DOT1L: variants seen among roughly 807,000 people sequenced by gnomAD.
DOT1L encodes the protein histone-lysine N-methyltransferase, H3 lysine-79 specific.
DOT1L carries 33 observed loss-of-function variants against 153.3 expected under a neutral mutation model. The ratio of observed to expected loss-of-function variants is 0.22; its 90% CI spans 0.16 to 0.29. The LOEUF is 0.29. DOT1L is among the 10% of genes least tolerant of loss of function. The pLI is 1.00. For missense variants in DOT1L, 1,847 were observed against 2,119.9 expected (o/e 0.87, Z 2.53); for synonymous variants, 1,135 against 965.1 (o/e 1.18, Z -3.26).
rs907128628 is a variant in DOT1L at position 2,231,397 on chromosome 19, C to G, written c.*1605C>G. ...ACCACGTGGCCTCCAAAGGGAGCCA[C>G]GGAGGAAAGGCTTCTGTGGTTGCTA... On this transcript the variant is annotated 3_prime_UTR_variant, in exon 28 of 28. Transcript: ENST00000398665. 3.4e-5 allele frequency: 7 copies of G among 204,580 alleles called. No individual in the cohort carries two copies. Among genetic ancestry groups the G allele is most frequent in the Admixed American group, 6.0e-5 (1 of 16,748 alleles). The allele number at this position is 204,580 out of a possible 1,614,324, so 12.7% of individuals were successfully genotyped here. A position where few individuals can be genotyped will look rare whatever the true frequency, so the allele number is the denominator to read the frequency against.
chr19:2,215,296 C>T (rs113158119), intron 19 of DOT1L, among the ~76,000 whole-genome samples: 55 of 152,284 alleles, frequency 3.6e-4, no homozygotes, highest in East Asian at 1.2e-3. Flanking sequence ...TTTCTGACAC[C>T]GAGAAACGCA....
intron 2 of DOT1L, among the ~76,000 whole-genome samples, chr19:2,184,582 G>T (rs918557823): frequency 2.6e-5 from 4 of 152,170 alleles, no homozygotes; most frequent in Non-Finnish European, 4.4e-5. Context: ...CTGCAGAGCC[G>T]CAGGCCAGGT....
chr19:2,177,173 A>G (rs1827696822), intron 1 of DOT1L, among the ~76,000 whole-genome samples: 1 of 152,222 alleles, frequency 6.6e-6, no homozygotes, highest in South Asian at 2.1e-4. Context: ...GGCAGCCACT[A>G]GCCACTCGGC....
At chr19:2,218,594 C>T (rs185224455) in intron 22 of DOT1L, among the ~76,000 whole-genome samples, 42 of 151,836 alleles carry the variant, frequency 2.8e-4, no homozygotes, top group South Asian at 1.2e-3. Context: ...GGGGTTTCAC[C>T]GTGTTAGCCA....
chr19:2,167,005 G>A (rs554183580), intron 1 of DOT1L, among the ~76,000 whole-genome samples: 2 of 152,288 alleles, frequency 1.3e-5, no homozygotes, highest in South Asian at 4.1e-4. Flanking sequence ...GGCCAAATCC[G>A]TGTTGCTGCA....
At chr19:2,228,914 C>T in intron 27 of DOT1L, 16 of 985,420 alleles carry the variant, frequency 1.6e-5, no homozygotes, top group Non-Finnish European at 1.6e-5. Context: ...TCATAGGGAG[C>T]CAGTGAAGCC....
chr19:2,190,940 C>A lies in DOT1L; in HGVS notation c.265-72C>A, dbSNP rs1454602557. 2 of 1,408,380 alleles carry A rather than the reference C, an allele frequency of 1.4e-6. No homozygotes were observed. The highest frequency in any genetic ancestry group is 1.9e-6 in the Non-Finnish European group (2 of 1,042,802). 87.2% of individuals were successfully genotyped at this position (1,408,380 alleles called of 1,614,324 possible). On this transcript the variant is annotated intron_variant, in intron 4 of 27. Coordinates refer to ENST00000398665, the MANE Select transcript of DOT1L (RefSeq NM_032482.3). This position sits in a 1 kb window ranked among gnomAD's most constrained non-coding sequence, Gnocchi z 4.8. ...ACTCCCTGCTTCCGCTGGGAAAGGTCCCGGGTCTTGGTGGTGGAGGGGCTG... is the reference window on the plus strand; with the variant it reads ...ACTCCCTGCTTCCGCTGGGAAAGGTACCGGGTCTTGGTGGTGGAGGGGCTG...
chr19:2,206,896 G>T, intron 10 of DOT1L, 99 bp downstream of exon 10: 1 of 1,259,736 alleles, frequency 7.9e-7, no homozygotes, highest in East Asian at 2.5e-5. Context: ...GTGGACACTG[G>T]GGCTGGATCC....
rs1352975978 is a variant in DOT1L, at chr19:2,231,595, A to AC, written c.*1807dup. On this transcript the variant is annotated 3_prime_UTR_variant, in exon 28 of 28. Coordinates refer to ENST00000398665, the MANE Select transcript of DOT1L (RefSeq NM_032482.3). ...TTAAGTGGTGCCCAGTGCCCTCCCC[A>AC]CCCCACGTTGGTGCTCTCAGCTAGA... 5.2e-6 allele frequency: 1 copy of AC among 191,334 alleles called. No homozygotes were observed. Among genetic ancestry groups the AC allele is most frequent in the African/African-American group, 2.5e-5 (1 of 40,462 alleles). The allele number at this position is 191,334 out of a possible 1,614,324, so 11.9% of individuals were successfully genotyped here. A position where few individuals can be genotyped will look rare whatever the true frequency, so the allele number is the denominator to read the frequency against.
chr19:2,191,261 C>G lies in DOT1L; in HGVS notation c.493+21C>G. ...GAGCGGTGAGTGTCGCCCGCCATGC[C>G]CGGCTCCTGTGCACTTCCAGGCCAC... On this transcript the variant is annotated intron_variant, in intron 5 of 27. Transcript: ENST00000398665. This position sits in a 1 kb window ranked among gnomAD's most constrained non-coding sequence, Gnocchi z 6.8. 1.9e-6 allele frequency: 3 copies of G among 1,611,310 alleles called. No individual in the cohort carries two copies. The African/African-American group carries it at 4.0e-5, about 21-fold the overall frequency.
intron 7 of DOT1L, among the ~76,000 whole-genome samples, chr19:2,195,596 C>T (rs1485681573): frequency 2.0e-5 from 3 of 151,898 alleles, no homozygotes; most frequent in Non-Finnish European, 4.4e-5. Context: ...GTACAGAGCC[C>T]GCAGCCCCTC....
chr19:2,183,785 C>G (rs905943612), intron 2 of DOT1L, among the ~76,000 whole-genome samples: 1 of 152,056 alleles, frequency 6.6e-6, no homozygotes, highest in African/African-American at 2.4e-5. Flanking sequence ...CGTCACCATG[C>G]CCAGCAAATT....
Position 2,210,658 on chromosome 19 carries a change from C to T in DOT1L, c.1154C>T (p.Thr385Ile). The T allele has an allele frequency of 2.5e-6, 4 of 1,612,926 alleles. No homozygotes were observed. In the South Asian group the frequency reaches 4.4e-5, roughly 18 times the overall value. Residue 385 changes from threonine (T) to isoleucine (I), a missense_variant, in exon 14 of 28, where the codon ACC (threonine) becomes ATC (isoleucine). By Grantham distance (89) the Thr-to-Ile change is moderately conservative. Coordinates refer to ENST00000398665, the MANE Select transcript of DOT1L (RefSeq NM_032482.3). Reference sequence around the variant, plus strand: ...GAGGAAGAGAAGGCGGGAGCAGCCACCGTGAAGAAGCCGTCTCCCTCCAAA... The same window carrying T: ...GAGGAAGAGAAGGCGGGAGCAGCCATCGTGAAGAAGCCGTCTCCCTCCAAA... ...GAEEEKAGAA[T>I]VKKPSPSKAR... is the part of the protein sequence containing the mutation.
At position 2,226,611 on chromosome 19, in the gene DOT1L, G is replaced by C. The variant is rs1390114953; in HGVS notation, c.4090G>C (p.Ala1364Pro). 1 of 1,596,568 alleles carries C rather than the reference G, an allele frequency of 6.3e-7. No individual in the cohort carries two copies. The highest frequency in any genetic ancestry group is 1.3e-5 in the African/African-American group (1 of 74,924). Reference sequence around the variant, plus strand: ...GCAGCGCGGCAAGGAGGGCTCGGACGCCAACCCTTTCCTGAGCAAGAGGCA... The same window carrying C: ...GCAGCGCGGCAAGGAGGGCTCGGACCCCAACCCTTTCCTGAGCAAGAGGCA... Reference protein sequence around the residue: ...PSQRGKEGSDANPFLSKRQLD... With the variant: ...PSQRGKEGSDPNPFLSKRQLD... The change falls in exon 27 of 28, where the codon GCC (alanine) becomes CCC (proline). Residue 1364 changes from alanine to proline, a missense_variant. By Grantham distance (27) the Ala-to-Pro change is conservative. Around this residue, in one of 8 missense-constraint regions of DOT1L, gnomAD observed 934 missense variants for 825.3 expected, o/e 1.13. Coordinates refer to ENST00000398665, the MANE Select transcript of DOT1L (RefSeq NM_032482.3).
rs575455446 is a variant in DOT1L, at chr19:2,231,841, A to T, written c.*2049A>T. The T allele has an allele frequency of 4.6e-6, 1 of 219,646 alleles. No homozygotes were observed. The highest frequency in any genetic ancestry group is 5.8e-5 in the Admixed American group (1 of 17,266). The allele number at this position is 219,646 out of a possible 1,614,324, so 13.6% of individuals were successfully genotyped here. ...GCCATCACGGGTCCTGCAGATGGCC[A>T]TGCAGGGCTCCTGCCCACGCAGGCC... On this transcript the variant is annotated 3_prime_UTR_variant, in exon 28 of 28. Transcript: ENST00000398665.
chr19:2,208,092 G>A lies in DOT1L; in HGVS notation c.963+412G>A, dbSNP rs1284055884. ...AGCGGGGAGACACCAGGGTCCATGG[G>A]TGGGGTCTGGGATGCTTCTTCCCTC... On this transcript the variant is annotated intron_variant, in intron 11 of 27. Coordinates refer to ENST00000398665, the MANE Select transcript of DOT1L (RefSeq NM_032482.3). This position sits in a 1 kb window ranked among gnomAD's most constrained non-coding sequence, Gnocchi z 4.4. Among the ~76,000 whole-genome samples, 3 of 152,118 alleles carry A rather than the reference G, an allele frequency of 2.0e-5. No individual in the cohort carries two copies. Among genetic ancestry groups the A allele is most frequent in the Non-Finnish European group, 4.4e-5 (3 of 67,994 alleles).
rs2023557115 is a variant in DOT1L at position 2,207,709 on chromosome 19, G to A, written c.963+29G>A. The A allele has an allele frequency of 6.3e-7, 1 of 1,579,650 alleles. No homozygotes were observed. Among genetic ancestry groups the A allele is most frequent in the Non-Finnish European group, 8.6e-7 (1 of 1,160,516 alleles). On this transcript the variant is annotated intron_variant, in intron 11 of 27. Coordinates refer to ENST00000398665, the MANE Select transcript of DOT1L (RefSeq NM_032482.3). This position sits in a 1 kb window ranked among gnomAD's most constrained non-coding sequence, Gnocchi z 4.5. ...AGTATCTCGCTGCGCCTCAGCCGCA[G>A]GGCCGTCCTGGTCTTCCACCCCGCC... is the stretch of plus-strand genomic sequence containing the variant.
Position 2,211,795 on chromosome 19 carries a change from AC to A in DOT1L, c.1516del (p.Gln506SerfsTer51), listed in dbSNP as rs1167741666. 3 of 1,571,770 alleles carry A rather than the reference AC, an allele frequency of 1.9e-6. No individual in the cohort carries two copies. Among genetic ancestry groups the A allele is most frequent in the South Asian group, 1.2e-5 (1 of 85,608 alleles). ...CCTGCAGTTCCTGGCATACACAAAG[AC>A]CCCCCAGTACAAGGCCAGCCTGCAG... ...QYLQFLAYTK[T>X]PQYKASLQEL... On this transcript the variant is annotated frameshift_variant, in exon 16 of 28. Coordinates refer to ENST00000398665, the MANE Select transcript of DOT1L (RefSeq NM_032482.3). LOFTEE classifies it high-confidence loss of function.
At position 2,222,891 on chromosome 19, in the gene DOT1L, A is replaced by T; in HGVS notation, c.3390+332A>T. ...CTCCCTCTCGGGGGGACAAAAAAAA[A>T]CACAAAAAAAAACAGGTGGAGGCAG... On this transcript the variant is annotated intron_variant, in intron 24 of 27. Transcript: ENST00000398665. The surrounding 1 kb of genome is among the most constrained non-coding windows in gnomAD (Gnocchi z 6.5). 1 of 380,706 alleles carries T rather than the reference A, an allele frequency of 2.6e-6. No individual in the cohort carries two copies. Among genetic ancestry groups the T allele is most frequent in the Non-Finnish European group, 4.7e-6 (1 of 211,756 alleles). The allele number at this position is 380,706 out of a possible 1,614,324, so 23.6% of individuals were successfully genotyped here. A position where few individuals can be genotyped will look rare whatever the true frequency, so the allele number is the denominator to read the frequency against.
Sources: allele counts gnomAD v4.1 joint callset (sites outside exome capture counted in the v4.1 genomes callset), GRCh38; gene constraint gnomAD v4.1.1; regional missense constraint gnomAD v4.1.1; non-coding constraint Gnocchi (gnomAD v3.1); transcripts MANE v1.5; gene names NCBI Gene and HGNC (gene_info 2026-07-23, HGNC 2026-07-21).